Variants in FCHSD2 observed in about 807,000 individuals in gnomAD.
FCHSD2 encodes FCH and double SH3 domains 2, also known as F-BAR and double SH3 domains protein 2.
A neutral mutation model predicts 108.1 loss-of-function variants in FCHSD2; 38 were observed. That is an observed-to-expected ratio of 0.35 (90% CI 0.27 to 0.46). The LOEUF is 0.46. Among genes scored for constraint, FCHSD2 ranks in the 20% least tolerant of loss-of-function variants. The probability of loss-of-function intolerance (pLI) is 1.00; values close to 1 mark genes in which losing one functional copy is unlikely to be tolerated. For synonymous variants in FCHSD2, 279 were observed against 314.7 expected, an observed-to-expected ratio of 0.89 and a Z score of 1.20; for missense variants, 751 against 897.8, an observed-to-expected ratio of 0.84 and a Z score of 2.09.
At chr11:73,111,346 C>T (rs1003562495) in intron 2 of FCHSD2, among the ~76,000 whole-genome samples, 2 of 152,136 alleles carry the variant, frequency 1.3e-5, no homozygotes, top group Non-Finnish European at 2.9e-5. Context: ...GCTAAATTGA[C>T]CTCTTTATCA....
Position 72,921,877 on chromosome 11 carries a change from C to T in FCHSD2, c.779G>A (p.Cys260Tyr), listed in dbSNP as rs369295273. ...IAFSRTELETCQAVQNTFQFL... is the reference protein window; with the variant it reads ...IAFSRTELETYQAVQNTFQFL... ...CTGGAATGTGTTCTGCACAGCTTGG[C>T]ATGTTTCTAGCTCAGTCCGGCTGAA... Residue 260 changes from cysteine to tyrosine, a missense_variant, in exon 9 of 20, where the codon TGC becomes TAC. By Grantham distance (194) the Cys-to-Tyr change is radical (BLOSUM62 -2). Coordinates refer to ENST00000409418, the MANE Select transcript of FCHSD2 (RefSeq NM_014824.3). The T allele has an allele frequency of 3.1e-6, 5 of 1,609,042 alleles. No individual in the cohort carries two copies. Among genetic ancestry groups the T allele is most frequent in the Admixed American group, 1.7e-5 (1 of 59,350 alleles).
intron 10 of FCHSD2, among the ~76,000 whole-genome samples, chr11:72,892,257 T>C (rs1855328193): frequency 6.6e-6 from 1 of 152,216 alleles, no homozygotes; most frequent in Non-Finnish European, 1.5e-5. Context: ...GGATAGAGCT[T>C]TTCCCTTATT....
intron 2 of FCHSD2, among the ~76,000 whole-genome samples, chr11:73,090,535 C>T (rs1859932453): frequency 6.6e-6 from 1 of 152,100 alleles, no homozygotes; most frequent in Admixed American, 6.5e-5. Context: ...TACAATACTT[C>T]TTAATTACAG....
chr11:72,986,146 A>C (rs1385616075), intron 6 of FCHSD2, among the ~76,000 whole-genome samples: 1 of 152,212 alleles, frequency 6.6e-6, no homozygotes, highest in Non-Finnish European at 1.5e-5. Context: ...ATTGTTAAAA[A>C]AATTGGGTTT....
chr11:72,970,920 G>A lies in FCHSD2; in HGVS notation c.705+13168C>T, dbSNP rs75391788. On this transcript the variant is annotated intron_variant, in intron 8 of 19. Transcript: ENST00000409418. ...CAATACCAAGAAGCCAAGTGCAGAA[G>A]CTCCAGCTGACAGCCTCGGGAAGGT... Among the ~76,000 whole-genome samples, 180 of 152,304 alleles carry A rather than the reference G, an allele frequency of 1.2e-3. 1 individual carries two copies. Among genetic ancestry groups the A allele is most frequent in the African/African-American group, 4.1e-3 (172 of 41,562 alleles).
intron 8 of FCHSD2, among the ~76,000 whole-genome samples, chr11:72,979,445 A>G (rs1857171808): frequency 6.6e-6 from 1 of 152,174 alleles, no homozygotes; most frequent in Non-Finnish European, 1.5e-5. Context: ...GAATTAATCC[A>G]AGAAATCAAA....
At chr11:72,840,286 A>G (rs1860876160) in intron 19 of FCHSD2, among the ~76,000 whole-genome samples, 1 of 152,238 alleles carries the variant, frequency 6.6e-6, no homozygotes, top group East Asian at 1.9e-4. Context: ...GAATGAAGCC[A>G]AAAGAAGCCA....
intron 8 of FCHSD2, chr11:72,940,981 T>C (rs1856405302): frequency 4.0e-6 from 3 of 750,752 alleles, no homozygotes; most frequent in Non-Finnish European, 7.3e-6. Flanking sequence ...CAGGGAGATG[T>C]GTGGGCTGAC....
chr11:73,042,467 A>T (rs1858664580), intron 3 of FCHSD2, among the ~76,000 whole-genome samples: 1 of 152,222 alleles, frequency 6.6e-6, no homozygotes, highest in Non-Finnish European at 1.5e-5. Context: ...ATAGCTTTGT[A>T]GAATATTTTG....
At chr11:72,849,229 C>G (rs1376759550) in intron 14 of FCHSD2, among the ~76,000 whole-genome samples, 1 of 152,188 alleles carries the variant, frequency 6.6e-6, no homozygotes, top group Admixed American at 6.5e-5. Context: ...TTCCAACATT[C>G]ATGTAGTCAT....
At chr11:72,967,863 G>A (rs539732032) in intron 8 of FCHSD2, among the ~76,000 whole-genome samples, 20 of 151,936 alleles carry the variant, frequency 1.3e-4, no homozygotes, top group Non-Finnish European at 2.4e-4. Context: ...AGGCCGAGGC[G>A]GGCGGATCAC....
chr11:72,864,968 T>C (rs1854690550), intron 13 of FCHSD2, among the ~76,000 whole-genome samples: 1 of 152,182 alleles, frequency 6.6e-6, no homozygotes, highest in African/African-American at 2.4e-5. Flanking sequence ...GGGATTCCTT[T>C]TTTCCAATCT....
At position 72,954,196 on chromosome 11, in the gene FCHSD2, A is replaced by AT. The variant is rs57517075; in HGVS notation, c.705+29891dup. Among the ~76,000 whole-genome samples the AT allele has an allele frequency of 1.9e-4, 21 of 111,702 alleles. 1 individual carries two copies. The highest frequency in any genetic ancestry group is 6.5e-4 in the African/African-American group (19 of 29,398). 73.3% of individuals were successfully genotyped at this position (111,702 alleles called of 152,430 possible). A position where few individuals can be genotyped will look rare whatever the true frequency, so the allele number is the denominator to read the frequency against. ...TAGAATATTAGCAGTAGATGTGGGG[A>AT]TTTTTTTTTTTTTTTTTTTTTTTTT... On this transcript the variant is annotated intron_variant, in intron 8 of 19. Transcript: ENST00000409418.
intron 11 of FCHSD2, among the ~76,000 whole-genome samples, chr11:72,887,972 AAAG>A (rs1336526804): frequency 3.9e-5 from 6 of 152,260 alleles, no homozygotes; most frequent in African/African-American, 1.2e-4. Flanking sequence ...GAGATAGTGA[AAAG>A]AAGATGTCAA....
intron 3 of FCHSD2, among the ~76,000 whole-genome samples, chr11:73,035,962 G>A (rs1469964115): frequency 1.3e-5 from 2 of 151,710 alleles, no homozygotes; most frequent in Non-Finnish European, 2.9e-5. Flanking sequence ...CTTGTGATCC[G>A]CCTACCTCAG....
chr11:73,126,975 T>C (rs1860874407), intron 2 of FCHSD2, among the ~76,000 whole-genome samples: 1 of 152,058 alleles, frequency 6.6e-6, no homozygotes, highest in African/African-American at 2.4e-5. Context: ...GAGGCAGAGG[T>C]TGCAGTGAGC....
intron 3 of FCHSD2, among the ~76,000 whole-genome samples, chr11:73,070,639 T>C (rs1372184134): frequency 6.6e-6 from 1 of 151,938 alleles, no homozygotes; most frequent in Non-Finnish European, 1.5e-5. Flanking sequence ...CTGGCCAGGC[T>C]GGTCTCGAAC....
intron 3 of FCHSD2, among the ~76,000 whole-genome samples, chr11:73,081,581 C>G (rs995711784): frequency 4.0e-5 from 6 of 151,642 alleles, no homozygotes; most frequent in Admixed American, 1.3e-4. Flanking sequence ...GGCTGGAGTC[C>G]AATGGCACTA....
At chr11:73,015,455 A>C (rs1021118697) in intron 4 of FCHSD2, among the ~76,000 whole-genome samples, 2 of 152,142 alleles carry the variant, frequency 1.3e-5, no homozygotes, top group African/African-American at 4.8e-5. Context: ...GAACATATAC[A>C]ATCTTGTTTC....
Sources: allele counts gnomAD v4.1 joint callset (sites outside exome capture counted in the v4.1 genomes callset), GRCh38; gene constraint gnomAD v4.1.1; transcripts MANE v1.5; gene names NCBI Gene and HGNC (gene_info 2026-07-23, HGNC 2026-07-21).